The following DDAH1 variants were observed in gnomAD, a reference collection of about 807,000 sequenced individuals.
The protein encoded by DDAH1 is N(G),N(G)-dimethylarginine dimethylaminohydrolase 1.
In DDAH1, 19 loss-of-function variants were observed where a neutral mutation model predicts 28.8. The ratio of observed to expected loss-of-function variants is 0.66; its 90% CI spans 0.46 to 0.97. The LOEUF (loss-of-function observed/expected upper bound fraction) is 0.97. Among genes scored for constraint, DDAH1 ranks in the 50% least tolerant of loss-of-function variants. The pLI, the probability that DDAH1 is intolerant of heterozygous loss-of-function variation, is 0.00. For missense variants in DDAH1, 326 were observed against 375.9 expected (o/e 0.87, Z 1.10); for synonymous variants, 153 against 154.4 (o/e 0.99, Z 0.07).
chr1:85,431,698 C>A (rs1040132458), intron 1 of DDAH1, among the ~76,000 whole-genome samples: 1 of 152,158 alleles, frequency 6.6e-6, no homozygotes, highest in Non-Finnish European at 1.5e-5. Context: ...TATTAGGAGG[C>A]TCTTGATCTG....
chr1:85,562,543 G>A (rs1193567421), intron 1 of DDAH1, among the ~76,000 whole-genome samples: 4 of 152,128 alleles, frequency 2.6e-5, no homozygotes, highest in African/African-American at 4.8e-5. Flanking sequence ...ATACTGAATT[G>A]GGATGGACCT....
intron 1 of DDAH1, among the ~76,000 whole-genome samples, chr1:85,445,185 AC>A (rs974137412): frequency 1.3e-5 from 2 of 152,146 alleles, no homozygotes; most frequent in African/African-American, 4.8e-5. Flanking sequence ...TCCTTTGACA[AC>A]ACCCTCATAG....
chr1:85,565,004 G>A (rs1659253252), intron 1 of DDAH1, among the ~76,000 whole-genome samples: 1 of 152,038 alleles, frequency 6.6e-6, no homozygotes, highest in South Asian at 2.1e-4. Flanking sequence ...AGACCAGCCT[G>A]GCCAACATGG....
intron 1 of DDAH1, among the ~76,000 whole-genome samples, chr1:85,378,800 T>G (rs577622432): frequency 1.3e-4 from 20 of 152,338 alleles, no homozygotes; most frequent in African/African-American, 4.6e-4. Context: ...ACAGCTGTTT[T>G]GTGACATCAC....
intron 1 of DDAH1, among the ~76,000 whole-genome samples, chr1:85,565,978 G>A (rs1159564854): frequency 6.6e-6 from 1 of 152,026 alleles, no homozygotes; most frequent in Non-Finnish European, 1.5e-5. Flanking sequence ...CTACTCGGGA[G>A]GCTGAGACAG....
At chr1:85,500,053 C>CTT (rs372757131) in intron 1 of DDAH1, among the ~76,000 whole-genome samples, 1 of 69,834 alleles carries the variant, frequency 1.4e-5, no homozygotes, top group Non-Finnish European at 4.7e-5. Context: ...CTTTCTTTCT[C>CTT]TCTCTTTTCT....
chr1:85,430,871 A>G (rs1336744248), intron 1 of DDAH1, among the ~76,000 whole-genome samples: 3 of 152,218 alleles, frequency 2.0e-5, no homozygotes, highest in East Asian at 3.9e-4. Flanking sequence ...TTCCTATTTG[A>G]ATACCCTTTA....
Position 85,464,821 on chromosome 1 carries a change from G to GATCT in DDAH1, c.224_225insAGAT (p.Phe76AspfsTer29). Reference sequence around the variant, plus strand: ...ACACCACGGCCACGTCCTCCACGAAGACGCAGTCCGGAAGGCTCTCGTCGG... The same window carrying GATCT: ...ACACCACGGCCACGTCCTCCACGAAGATCTACGCAGTCCGGAAGGCTCTCGTCGG... On this transcript the variant is annotated frameshift_variant, in exon 1 of 6. Transcript: ENST00000284031. LOFTEE classifies it high-confidence loss of function. This position sits in a 1 kb window ranked among gnomAD's most constrained non-coding sequence, Gnocchi z 4.4. 6.3e-7 allele frequency: 1 copy of GATCT among 1,588,994 alleles called. No individual in the cohort carries two copies.
chr1:85,566,373 T>C (rs536569206), intron 1 of DDAH1, among the ~76,000 whole-genome samples: 2 of 151,064 alleles, frequency 1.3e-5, no homozygotes, highest in African/African-American at 4.9e-5. Flanking sequence ...ACACCTGTAG[T>C]CCCAGCTACT....
At position 85,319,984 on chromosome 1, in the gene DDAH1, CTTCTTAATCTCTTTGA is replaced by C. The variant is rs1473382338; in HGVS notation, c.*1452_*1467del. ...GAGCAGAGCAAGATTTGAAGTGATACTTCTTAATCTCTTTGATTCTTAATCTTAAACAACAAGCCAC... is the reference window on the plus strand; with the variant it reads ...GAGCAGAGCAAGATTTGAAGTGATACTTCTTAATCTTAAACAACAAGCCAC... On this transcript the variant is annotated 3_prime_UTR_variant, in exon 6 of 6. Transcript: ENST00000284031. The C allele has an allele frequency of 1.3e-5, 2 of 152,174 alleles. No homozygotes were observed. Among genetic ancestry groups the C allele is most frequent in the African/African-American group, 4.8e-5 (2 of 41,424 alleles). The allele number at this position is 152,174 out of a possible 1,614,324, so 9.4% of individuals were successfully genotyped here.
chr1:85,473,018 C>T (rs1316081712), intron 2 of DDAH1, among the ~76,000 whole-genome samples: 1 of 152,122 alleles, frequency 6.6e-6, no homozygotes, highest in Non-Finnish European at 1.5e-5. Context: ...GGATAATGAC[C>T]TCCAGCTGCA....
intron 1 of DDAH1, among the ~76,000 whole-genome samples, chr1:85,558,378 A>T (rs964260460): frequency 5.9e-5 from 9 of 152,134 alleles, no homozygotes; most frequent in African/African-American, 2.2e-4. Flanking sequence ...AACAAACAAA[A>T]ACCAAAGTCA....
intron 1 of DDAH1, among the ~76,000 whole-genome samples, chr1:85,422,233 TC>T (rs1653179606): frequency 6.6e-6 from 1 of 152,216 alleles, no homozygotes; most frequent in South Asian, 2.1e-4. Flanking sequence ...CAGGCCTTTT[TC>T]CTACTTTTTA....
At chr1:85,346,323 G>GA (rs1329618697) in intron 4 of DDAH1, among the ~76,000 whole-genome samples, 1 of 152,050 alleles carries the variant, frequency 6.6e-6, no homozygotes, top group Non-Finnish European at 1.5e-5. Flanking sequence ...GTTTACAAGG[G>GA]AAAAAATAAA....
chr1:85,511,770 AC>A (rs1657241799), intron 1 of DDAH1, among the ~76,000 whole-genome samples: 1 of 152,240 alleles, frequency 6.6e-6, no homozygotes, highest in Non-Finnish European at 1.5e-5. Flanking sequence ...AAATTCCTGG[AC>A]ACATACACTC....
chr1:85,374,773 A>T (rs1650571932), intron 1 of DDAH1, among the ~76,000 whole-genome samples: 1 of 152,256 alleles, frequency 6.6e-6, no homozygotes, highest in African/African-American at 2.4e-5. Context: ...AACACAGGGT[A>T]CTATTATAAA....
chr1:85,573,498 A>G (rs1404168584), intron 1 of DDAH1, among the ~76,000 whole-genome samples: 1 of 152,230 alleles, frequency 6.6e-6, no homozygotes, highest in Non-Finnish European at 1.5e-5. Context: ...AGTCCTTTCC[A>G]ATAAAATGTT....
chr1:85,390,191 T>G (rs992519919), intron 1 of DDAH1, among the ~76,000 whole-genome samples: 1 of 152,120 alleles, frequency 6.6e-6, no homozygotes, highest in African/African-American at 2.4e-5. Context: ...TATGGCTAAT[T>G]AGGAAGAGAC....
At chr1:85,551,968 G>A (rs904032934) in intron 1 of DDAH1, among the ~76,000 whole-genome samples, 1 of 152,190 alleles carries the variant, frequency 6.6e-6, no homozygotes, top group Admixed American at 6.5e-5. Context: ...GTGGACTTGG[G>A]AAATTGAAGG....
Sources: gnomAD v4.1 joint callset for allele counts (sites outside exome capture counted in the v4.1 genomes callset) on GRCh38, gnomAD v4.1.1 for gene constraint, Gnocchi (gnomAD v3.1) non-coding constraint, MANE v1.5 for transcripts, NCBI Gene and HGNC (gene_info 2026-07-23, HGNC 2026-07-21) for gene names.